ZNF81: variants seen among roughly 807,000 people sequenced by gnomAD.
ZNF81 encodes the protein zinc finger protein 81.
ZNF81 carries 5 observed loss-of-function variants against 32.3 expected under a neutral mutation model. The observed-to-expected ratio is 0.15, with a 90% confidence interval of 0.08 to 0.33. The LOEUF (loss-of-function observed/expected upper bound fraction) is 0.33. ZNF81 is among the 10% of genes least tolerant of loss of function. ZNF81 has a pLI of 1.00. For missense variants in ZNF81, 379 were observed against 479.8 expected, an observed-to-expected ratio of 0.79 and a Z score of 1.96; for synonymous variants, 163 against 166.8, an observed-to-expected ratio of 0.98 and a Z score of 0.17.
chrX:47,885,777 G>A (rs1165822480), intron 2 of ZNF81, among the ~76,000 whole-genome samples: 1 of 111,664 alleles, frequency 9.0e-6, no homozygotes. Flanking sequence ...AACTTCCAAA[G>A]GTCATACCTC....
intron 4 of ZNF81, among the ~76,000 whole-genome samples, chrX:47,912,133 A>AAAAAATAATT (rs1556890026): frequency 9.1e-6 from 1 of 110,018 alleles, no homozygotes; most frequent in African/African-American, 3.4e-5. Flanking sequence ...CTAGTGACAT[A>AAAAAATAATT]AAAAATAATT....
At chrX:47,841,512 G>A (rs2058449188) in intron 1 of ZNF81, 9 of 970,780 alleles carry the variant, frequency 9.3e-6, no homozygotes, top group South Asian at 1.9e-5. Flanking sequence ...ACCTTGTCAC[G>A]TTTCTGCCGC....
intron 2 of ZNF81, among the ~76,000 whole-genome samples, chrX:47,886,942 G>A (rs781990751): frequency 1.4e-4 from 16 of 111,555 alleles, no homozygotes; most frequent in Admixed American, 2.9e-4. Context: ...ATGAAGGTTG[G>A]TCTGATAAAA....
chrX:47,843,432 T>TACACAC lies in ZNF81; in HGVS notation c.-163-2645_-163-2640dup, dbSNP rs782116296. On this transcript the variant is annotated intron_variant, in intron 1 of 4. Transcript: ENST00000338637. The stretch of plus-strand genomic sequence containing the variant: ...AATTATCTTATGTTATTCCTATATC[T>TACACAC]ACACACACACACACACACACACACA... Among the ~76,000 whole-genome samples the TACACAC allele has an allele frequency of 2.4e-3, 230 of 96,861 alleles. 1 individual carries two copies. Among genetic ancestry groups the TACACAC allele is most frequent in the East Asian group, 0.013 (37 of 2,955 alleles). 84.1% of individuals were successfully genotyped at this position (96,861 alleles called of 115,157 possible).
chrX:47,882,850 GT>G (rs1451201925), intron 2 of ZNF81, among the ~76,000 whole-genome samples: 1 of 112,081 alleles, frequency 8.9e-6, no homozygotes, highest in Non-Finnish European at 1.9e-5. Context: ...AATTAGCCGG[GT>G]GTGGTGGCAC....
At chrX:47,854,909 G>C (rs1207501) in intron 2 of ZNF81, among the ~76,000 whole-genome samples, 1 of 110,736 alleles carries the variant, frequency 9.0e-6, no homozygotes. Flanking sequence ...GCCTGGCCAA[G>C]ATGGTGAAAC....
chrX:47,879,239 T>C (rs2058611636), intron 2 of ZNF81, among the ~76,000 whole-genome samples: 1 of 111,074 alleles, frequency 9.0e-6, no homozygotes, highest in African/African-American at 3.3e-5. Context: ...TGGCAGGGAG[T>C]TTGGGGGATT....
At chrX:47,890,656 C>T (rs1177940687) in intron 3 of ZNF81, among the ~76,000 whole-genome samples, 1 of 111,873 alleles carries the variant, frequency 8.9e-6, no homozygotes, top group African/African-American at 3.3e-5. Flanking sequence ...GTTGTAGAGT[C>T]TTCTCTTGTT....
chrX:47,919,459 T>C lies in ZNF81; in HGVS notation c.*2827T>C, dbSNP rs2058768850. The C allele has an allele frequency of 5.0e-6, 1 of 200,785 alleles. No homozygotes were observed. The highest frequency in any genetic ancestry group is 9.3e-6 in the Non-Finnish European group (1 of 107,458). The allele number at this position is 200,785 out of a possible 1,213,427, so 16.5% of individuals were successfully genotyped here. A position where few individuals can be genotyped will look rare whatever the true frequency, so the allele number is the denominator to read the frequency against. On this transcript the variant is annotated 3_prime_UTR_variant, in exon 5 of 5. Coordinates refer to ENST00000338637, the MANE Select transcript of ZNF81 (RefSeq NM_007137.5). The stretch of plus-strand genomic sequence containing the variant: ...ATATCTGCTGAAATTCCCCATCTTT[T>C]CATGCATGTTCATGTTTTCCCCTTT...
chrX:47,884,918 A>G (rs1399712694), intron 2 of ZNF81, among the ~76,000 whole-genome samples: 1 of 111,981 alleles, frequency 8.9e-6, no homozygotes, highest in Non-Finnish European at 1.9e-5. Flanking sequence ...AAGCAGGTTG[A>G]GCAAACTCTT....
At chrX:47,895,258 C>T (rs2058675734) in intron 3 of ZNF81, among the ~76,000 whole-genome samples, 1 of 111,399 alleles carries the variant, frequency 9.0e-6, no homozygotes, top group Admixed American at 9.6e-5. Flanking sequence ...GTGGGCCCTA[C>T]TCTAATCTGA....
intron 2 of ZNF81, among the ~76,000 whole-genome samples, chrX:47,860,202 A>G (rs2142875): frequency 0.42 from 41,538 of 99,234 alleles, 7,627 homozygotes; most frequent in East Asian, 0.61. Flanking sequence ...TTGAGATGGA[A>G]TCTCGCTGTA....
chrX:47,897,544 A>C (rs1247704390), intron 4 of ZNF81, among the ~76,000 whole-genome samples: 2 of 112,276 alleles, frequency 1.8e-5, no homozygotes, highest in East Asian at 5.6e-4. Flanking sequence ...CAAAGAGCAA[A>C]CATTTTAATT....
chrX:47,839,866 C>T (rs959148305), intron 1 of ZNF81, among the ~76,000 whole-genome samples: 4 of 111,247 alleles, frequency 3.6e-5, no homozygotes, highest in Admixed American at 9.5e-5. Context: ...CATGTGGCTC[C>T]GGACAGCTTG....
At position 47,921,943 on chromosome X, in the gene ZNF81, G is replaced by A. The variant is rs1017729265; in HGVS notation, c.*5311G>A. 3 of 111,639 alleles carry A rather than the reference G, an allele frequency of 2.7e-5. No homozygotes were observed. The highest frequency in any genetic ancestry group is 5.6e-5 in the Non-Finnish European group (3 of 53,128). 9.2% of individuals were successfully genotyped at this position (111,639 alleles called of 1,213,427 possible). A position where few individuals can be genotyped will look rare whatever the true frequency, so the allele number is the denominator to read the frequency against. ...TGCAAGACAATAAATGTTGTTTTAA[G>A]TTGCTAAATTTTAGGGTAATTTGTT... is the stretch of plus-strand genomic sequence containing the variant. On this transcript the variant is annotated 3_prime_UTR_variant, in exon 5 of 5. Coordinates refer to ENST00000338637, the MANE Select transcript of ZNF81 (RefSeq NM_007137.5).
At chrX:47,837,606 T>A (rs1164693636) in intron 1 of ZNF81, among the ~76,000 whole-genome samples, 2 of 111,882 alleles carry the variant, frequency 1.8e-5, no homozygotes, top group African/African-American at 6.5e-5. Flanking sequence ...GAAGCACCAT[T>A]TGTTGAAAAG....
intron 3 of ZNF81, among the ~76,000 whole-genome samples, chrX:47,890,721 G>A (rs782321620): frequency 8.9e-6 from 1 of 112,131 alleles, no homozygotes; most frequent in African/African-American, 3.2e-5. Flanking sequence ...ATGGGCCAGA[G>A]TAGCTTTACC....
chrX:47,878,935 A>G (rs1431445753), intron 2 of ZNF81, among the ~76,000 whole-genome samples: 3 of 111,391 alleles, frequency 2.7e-5, no homozygotes, highest in Non-Finnish European at 5.7e-5. Flanking sequence ...TGCCCTTTCC[A>G]GCCTCTAGAG....
intron 2 of ZNF81, among the ~76,000 whole-genome samples, chrX:47,867,060 C>T (rs868938767): frequency 1.8e-5 from 2 of 111,172 alleles, no homozygotes; most frequent in Non-Finnish European, 3.8e-5. Flanking sequence ...AGTGAGAACA[C>T]ATGGACACAG....
Sources: allele counts gnomAD v4.1 joint callset (sites outside exome capture counted in the v4.1 genomes callset), GRCh38; gene constraint gnomAD v4.1.1; transcripts MANE v1.5; gene names NCBI Gene and HGNC (gene_info 2026-07-23, HGNC 2026-07-21).